The following FHL2 variants were observed in gnomAD, a reference collection of about 807,000 sequenced individuals.
FHL2 encodes the protein four and a half LIM domains 2.
A neutral mutation model predicts 32.7 loss-of-function variants in FHL2; 20 were observed. The observed-to-expected ratio is 0.61, with a 90% CI of 0.43 to 0.89. The LOEUF (loss-of-function observed/expected upper bound fraction) is 0.89. Among genes scored for constraint, FHL2 ranks in the 40% least tolerant of loss-of-function variants. FHL2 has a pLI of 0.00. For synonymous variants in FHL2, 123 were observed against 128.1 expected (o/e 0.96, Z 0.27); for missense variants, 311 against 358.6 (o/e 0.87, Z 1.07).
upstream of FHL2, among the ~76,000 whole-genome samples, chr2:105,403,596 G>A (rs1329418369): frequency 2.0e-5 from 3 of 152,192 alleles, no homozygotes; most frequent in Non-Finnish European, 4.4e-5. Context: ...CCTGTTAGAA[G>A]TGCACATTCT....
In FHL2 at chr2:105,434,678, T is replaced by C. The variant is rs144617829; in HGVS notation, c.-25+3721A>G. Among the ~76,000 whole-genome samples, 90 of 152,300 alleles carry C rather than the reference T, an allele frequency of 5.9e-4. 1 individual carries two copies. Among genetic ancestry groups the C allele is most frequent in the African/African-American group, 2.0e-3 (85 of 41,576 alleles). Reference sequence around the variant, plus strand: ...AAGCTTCAGTTTCCTTCTCTGAAAATAGGAATAATAACAAAATTAATAATA... The same window carrying C: ...AAGCTTCAGTTTCCTTCTCTGAAAACAGGAATAATAACAAAATTAATAATA... On this transcript the variant is annotated intron_variant, in intron 1 of 5. Coordinates refer to the FHL2 transcript ENST00000393352.
At chr2:105,436,322 A>G (rs1182115916) in intron 1 of FHL2, among the ~76,000 whole-genome samples, 1 of 152,204 alleles carries the variant, frequency 6.6e-6, no homozygotes, top group African/African-American at 2.4e-5. Flanking sequence ...TTACCAGATC[A>G]TACTTTGAAC....
intron 1 of FHL2, among the ~76,000 whole-genome samples, chr2:105,414,666 C>T (rs1683884146): frequency 6.6e-6 from 1 of 152,192 alleles, no homozygotes; most frequent in Admixed American, 6.5e-5. Flanking sequence ...AATTCTCCTG[C>T]CTCCGCCTCT....
intron 3 of FHL2, chr2:105,375,349 C>T (rs1681395102): frequency 6.6e-6 from 1 of 152,264 alleles, no homozygotes; most frequent in Admixed American, 6.5e-5. Flanking sequence ...TGTGCTATCC[C>T]TGTTGGAAGT....
intron 4 of FHL2, among the ~76,000 whole-genome samples, chr2:105,368,128 C>A (rs1443202603): frequency 5.9e-5 from 9 of 152,154 alleles, no homozygotes; most frequent in Admixed American, 5.9e-4. Flanking sequence ...ACTGTATTCA[C>A]CTATTGCACA....
At chr2:105,422,673 G>T (rs1684139662) in intron 1 of FHL2, among the ~76,000 whole-genome samples, 1 of 150,124 alleles carries the variant, frequency 6.7e-6, no homozygotes, top group Non-Finnish European at 1.5e-5. Flanking sequence ...AAATGCTCCA[G>T]GTGAGAGAAA....
At chr2:105,379,941 G>T (rs1042609595) in intron 3 of FHL2, among the ~76,000 whole-genome samples, 1 of 152,220 alleles carries the variant, frequency 6.6e-6, no homozygotes, top group Non-Finnish European at 1.5e-5. Flanking sequence ...AAACTCGTAG[G>T]TAACTAATTA....
intron 3 of FHL2, chr2:105,375,256 T>C (rs1681388954): frequency 1.3e-5 from 2 of 152,210 alleles, no homozygotes; most frequent in Non-Finnish European, 2.9e-5. Flanking sequence ...GCATTTTGTT[T>C]TAGTTCAAGG....
chr2:105,379,635 C>T (rs1485013821), intron 3 of FHL2, among the ~76,000 whole-genome samples: 2 of 152,334 alleles, frequency 1.3e-5, no homozygotes, highest in East Asian at 3.9e-4. Context: ...AACTGTGCTC[C>T]TGTTTTTTAC....
At chr2:105,358,854 T>G (rs968171652), downstream of FHL2, 13 of 152,202 alleles carry the variant, frequency 8.5e-5, no homozygotes, top group African/African-American at 3.1e-4. Context: ...ATTTCTAAGT[T>G]CATGCGACGA....
downstream of FHL2, chr2:105,358,641 AT>A (rs1680104457): frequency 6.6e-6 from 1 of 152,084 alleles, no homozygotes; most frequent in Non-Finnish European, 1.5e-5. Context: ...ATGAATGTTT[AT>A]TTGTTGTATG....
intron 2 of FHL2, among the ~76,000 whole-genome samples, chr2:105,391,125 C>G (rs1682701507): frequency 6.6e-6 from 1 of 152,000 alleles, no homozygotes; most frequent in Non-Finnish European, 1.5e-5. Flanking sequence ...GAGCCACTTG[C>G]ATTTTTTACA....
chr2:105,365,930 C>T (rs910003539), intron 5 of FHL2, among the ~76,000 whole-genome samples: 6 of 152,060 alleles, frequency 3.9e-5, no homozygotes, highest in Non-Finnish European at 8.8e-5. Context: ...TGGGGCCAGG[C>T]ATGGTGGCTC....
At chr2:105,363,628 A>G (rs1174013019) in intron 5 of FHL2, among the ~76,000 whole-genome samples, 157 bp from the exon 6 acceptor site, 1 of 152,138 alleles carries the variant, frequency 6.6e-6, no homozygotes, top group Non-Finnish European at 1.5e-5. Context: ...GTCACTCGTC[A>G]CCCTCACCAC....
At chr2:105,425,902 G>A (rs1451696858) in intron 1 of FHL2, among the ~76,000 whole-genome samples, 3 of 152,112 alleles carry the variant, frequency 2.0e-5, no homozygotes, top group Non-Finnish European at 4.4e-5. Context: ...TTCAGAGGCC[G>A]GTGCCGGTGC....
At chr2:105,395,811 C>A (rs1189064426) in intron 2 of FHL2, among the ~76,000 whole-genome samples, 1 of 152,204 alleles carries the variant, frequency 6.6e-6, no homozygotes, top group Non-Finnish European at 1.5e-5. Flanking sequence ...CACTCAAGAC[C>A]ATATGACGGG....
At chr2:105,409,904 G>A (rs1436567358) in intron 1 of FHL2, among the ~76,000 whole-genome samples, 1 of 152,226 alleles carries the variant, frequency 6.6e-6, no homozygotes, top group African/African-American at 2.4e-5. Context: ...GCCGACTCAT[G>A]CCTGGACTCC....
At chr2:105,422,656 A>G (rs907531421) in intron 1 of FHL2, among the ~76,000 whole-genome samples, 1 of 151,890 alleles carries the variant, frequency 6.6e-6, no homozygotes, top group African/African-American at 2.4e-5. Context: ...CAAAAAAAAA[A>G]AAAAAAAAAT....
At chr2:105,382,564 T>C (rs952096858) in intron 3 of FHL2, among the ~76,000 whole-genome samples, 2 of 152,258 alleles carry the variant, frequency 1.3e-5, no homozygotes, top group African/African-American at 4.8e-5. Flanking sequence ...ATTTAGATCA[T>C]GCAGTTTAGG....
Sources: allele counts gnomAD v4.1 joint callset (sites outside exome capture counted in the v4.1 genomes callset), GRCh38; gene constraint gnomAD v4.1.1; transcripts MANE v1.5; gene names NCBI Gene and HGNC (gene_info 2026-07-23, HGNC 2026-07-21).